AHCYL2: variants seen among roughly 807,000 people sequenced by gnomAD.
The protein encoded by AHCYL2 is adenosylhomocysteinase like 2, also known as S-adenosylhomocysteine hydrolase-like protein 2.
In AHCYL2, 28 loss-of-function variants were observed where a neutral mutation model predicts 81.4. The ratio of observed to expected loss-of-function variants is 0.34; its 90% confidence interval spans 0.25 to 0.47. The LOEUF (loss-of-function observed/expected upper bound fraction) is 0.47. AHCYL2 is among the 20% of genes least tolerant of loss of function. AHCYL2 has a pLI of 1.00. For synonymous variants in AHCYL2, 272 were observed against 290.2 expected (o/e 0.94, Z 0.64); for missense variants, 551 against 785.1 (o/e 0.70, Z 3.56).
At chr7:129,396,571 G>A (rs1033257360) in intron 4 of AHCYL2, among the ~76,000 whole-genome samples, 2 of 151,892 alleles carry the variant, frequency 1.3e-5, no homozygotes, top group African/African-American at 2.4e-5. Context: ...ACAGGCATGC[G>A]CCACCATGCC....
intron 1 of AHCYL2, among the ~76,000 whole-genome samples, chr7:129,347,169 G>A (rs1026933357): frequency 6.6e-6 from 1 of 152,030 alleles, no homozygotes; most frequent in Non-Finnish European, 1.5e-5. Context: ...AGATTTTTAG[G>A]GCCGTGAAAT....
intron 1 of AHCYL2, among the ~76,000 whole-genome samples, chr7:129,294,901 C>T (rs1010636855): frequency 6.6e-6 from 1 of 152,198 alleles, no homozygotes; most frequent in Non-Finnish European, 1.5e-5. Context: ...TCTATTCTGC[C>T]TTCCCAGTGG....
intron 12 of AHCYL2, among the ~76,000 whole-genome samples, chr7:129,418,764 CT>C (rs1796977366): frequency 6.6e-6 from 1 of 152,034 alleles, no homozygotes; most frequent in Non-Finnish European, 1.5e-5. Flanking sequence ...ATTACTCTGG[CT>C]TTTGTATAAA....
intron 2 of AHCYL2, among the ~76,000 whole-genome samples, chr7:129,381,681 A>C (rs1794961461): frequency 6.6e-6 from 1 of 152,172 alleles, no homozygotes; most frequent in African/African-American, 2.4e-5. Context: ...GTTCTTATAT[A>C]ATCCCTGGAA....
chr7:129,424,856 T>G lies in AHCYL2; in HGVS notation c.1561-18T>G, dbSNP rs1431741710. The G allele has an allele frequency of 2.5e-6, 4 of 1,612,330 alleles. No individual in the cohort carries two copies. The highest frequency in any genetic ancestry group is 3.4e-6 in the Non-Finnish European group (4 of 1,179,916). On this transcript the variant is annotated intron_variant, in intron 13 of 16. Transcript: ENST00000325006. ...GACTTTGTCCTAATCCATTTGTGTC[T>G]TCACCTTTGATCACTAGGGCCGCCT...
At chr7:129,347,468 A>C (rs753085984) in intron 1 of AHCYL2, among the ~76,000 whole-genome samples, 15 of 152,204 alleles carry the variant, frequency 9.9e-5, no homozygotes, top group Non-Finnish European at 1.8e-4. Flanking sequence ...TTTTAAAAAC[A>C]GAACAGCTGT....
chr7:129,274,126 A>G (rs12706870), intron 1 of AHCYL2, among the ~76,000 whole-genome samples: 259 of 152,278 alleles, frequency 1.7e-3, no homozygotes, highest in African/African-American at 5.8e-3. Flanking sequence ...CAGAATTGTT[A>G]TGGGCCAGTA....
At chr7:129,293,891 T>C (rs571310602) in intron 1 of AHCYL2, among the ~76,000 whole-genome samples, 100 of 152,340 alleles carry the variant, frequency 6.6e-4, no homozygotes, top group African/African-American at 2.3e-3. Flanking sequence ...ATGTGATTTG[T>C]TCCAAACTAA....
intron 1 of AHCYL2, among the ~76,000 whole-genome samples, chr7:129,229,337 G>A (rs1794338436): frequency 6.6e-6 from 1 of 152,172 alleles, no homozygotes; most frequent in African/African-American, 2.4e-5. Flanking sequence ...AAAGTGCTGG[G>A]ATTACAGATG....
chr7:129,329,189 G>T (rs1024256958), intron 1 of AHCYL2, among the ~76,000 whole-genome samples: 3 of 152,046 alleles, frequency 2.0e-5, no homozygotes. Flanking sequence ...TTTTTATTTT[G>T]TTTTGTTTGA....
chr7:129,297,591 C>T (rs1438340841), intron 1 of AHCYL2, among the ~76,000 whole-genome samples: 1 of 152,132 alleles, frequency 6.6e-6, no homozygotes, highest in Non-Finnish European at 1.5e-5. Flanking sequence ...TTGGAACCAC[C>T]ATTCTATTCC....
intron 1 of AHCYL2, among the ~76,000 whole-genome samples, chr7:129,303,692 G>A (rs1209325361): frequency 6.6e-6 from 1 of 151,860 alleles, no homozygotes; most frequent in Non-Finnish European, 1.5e-5. Flanking sequence ...CTAACTTTGG[G>A]TTTGGTTGGG....
intron 2 of AHCYL2, among the ~76,000 whole-genome samples, chr7:129,383,521 T>C (rs1795062123): frequency 6.6e-6 from 1 of 152,220 alleles, no homozygotes; most frequent in Admixed American, 6.5e-5. Flanking sequence ...ACCTTACCCA[T>C]CTTCAGTCTA....
chr7:129,360,666 C>T (rs545673477), intron 1 of AHCYL2, among the ~76,000 whole-genome samples: 1 of 152,232 alleles, frequency 6.6e-6, no homozygotes, highest in South Asian at 2.1e-4. Context: ...GAAATGTCTA[C>T]TGAAGGAAAT....
intron 1 of AHCYL2, among the ~76,000 whole-genome samples, chr7:129,230,321 A>G (rs1314932900): frequency 6.6e-6 from 1 of 151,582 alleles, no homozygotes; most frequent in African/African-American, 2.4e-5. Context: ...TGACCTCGTG[A>G]TCCACCCGCC....
intron 1 of AHCYL2, among the ~76,000 whole-genome samples, chr7:129,269,522 C>T (rs936269992): frequency 4.6e-5 from 7 of 152,026 alleles, no homozygotes; most frequent in African/African-American, 7.3e-5. Context: ...CTCCTGAGCT[C>T]GTGATTCACC....
chr7:129,423,866 A>G (rs1049478046), intron 13 of AHCYL2, among the ~76,000 whole-genome samples: 3 of 152,120 alleles, frequency 2.0e-5, no homozygotes, highest in Admixed American at 6.5e-5. Flanking sequence ...ATTTCTTCAC[A>G]AGGAAGGAGT....
chr7:129,422,028 C>G (rs1797141117), intron 12 of AHCYL2, among the ~76,000 whole-genome samples: 1 of 152,240 alleles, frequency 6.6e-6, no homozygotes, highest in Non-Finnish European at 1.5e-5. Flanking sequence ...AATATGAACT[C>G]ACTTTCTATT....
intron 1 of AHCYL2, among the ~76,000 whole-genome samples, chr7:129,273,558 C>A (rs1796093325): frequency 6.8e-6 from 1 of 147,652 alleles, no homozygotes; most frequent in South Asian, 2.2e-4. Flanking sequence ...GAACTCCCGA[C>A]CTCAGGTGAT....
Sources: gnomAD v4.1 joint callset for allele counts (sites outside exome capture counted in the v4.1 genomes callset) on GRCh38, gnomAD v4.1.1 for gene constraint, MANE v1.5 for transcripts, NCBI Gene and HGNC (gene_info 2026-07-23, HGNC 2026-07-21) for gene names.